L3MBTL4: variants seen among roughly 807,000 people sequenced by gnomAD.
The protein encoded by L3MBTL4 is L3MBTL histone methyl-lysine binding protein 4.
In L3MBTL4, 70 loss-of-function variants were observed where a neutral mutation model predicts 84.5. The observed-to-expected ratio is 0.83, with a 90% CI of 0.68 to 1.01. The LOEUF is 1.01. Ranked by LOEUF, L3MBTL4 falls within the 50% of genes least tolerant of loss-of-function variation. The pLI is 0.00. For synonymous variants in L3MBTL4, 274 were observed against 259.8 expected, an observed-to-expected ratio of 1.05 and a Z score of -0.52; for missense variants, 715 against 754.8, an observed-to-expected ratio of 0.95 and a Z score of 0.62.
chr18:6,314,070 ATAGATAG>A, intron 1 of L3MBTL4, among the ~76,000 whole-genome samples: 1 of 148,730 alleles, frequency 6.7e-6, no homozygotes, highest in African/African-American at 2.5e-5. Context: ...AGATAGATAG[ATAGATAG>A]ATAGATAGTC....
chr18:6,040,827 T>A (rs1224884140), intron 16 of L3MBTL4, among the ~76,000 whole-genome samples: 1 of 152,220 alleles, frequency 6.6e-6, no homozygotes, highest in East Asian at 1.9e-4. Context: ...TTCCCATGGC[T>A]GGCCTTCTGC....
At chr18:6,260,941 G>A (rs1410611102) in intron 5 of L3MBTL4, 1 of 152,154 alleles carries the variant, frequency 6.6e-6, no homozygotes, top group African/African-American at 2.4e-5. Flanking sequence ...TATAGACAAT[G>A]CTTATTTCAT....
chr18:6,042,037 G>A (rs941444151), intron 16 of L3MBTL4, among the ~76,000 whole-genome samples: 2 of 151,974 alleles, frequency 1.3e-5, no homozygotes, highest in South Asian at 2.1e-4. Flanking sequence ...GAACCATTTC[G>A]AACTTCCGCT....
At chr18:5,996,376 C>G (rs2053965282) in intron 16 of L3MBTL4, among the ~76,000 whole-genome samples, 1 of 152,198 alleles carries the variant, frequency 6.6e-6, no homozygotes, top group Admixed American at 6.5e-5. Flanking sequence ...TTGCTTCAGC[C>G]TCAAAGAGCA....
intron 16 of L3MBTL4, among the ~76,000 whole-genome samples, chr18:5,978,417 CATTA>C (rs1280307463): frequency 6.6e-6 from 1 of 152,146 alleles, no homozygotes; most frequent in Non-Finnish European, 1.5e-5. Context: ...CTTGAGACAT[CATTA>C]ATTAACTTAT....
intron 1 of L3MBTL4, among the ~76,000 whole-genome samples, chr18:6,398,516 T>C (rs746442125): frequency 2.6e-5 from 4 of 152,186 alleles, no homozygotes; most frequent in Admixed American, 1.3e-4. Context: ...GAGCTCATAA[T>C]CTGTTCTTTG....
intron 1 of L3MBTL4, among the ~76,000 whole-genome samples, chr18:6,333,625 G>A (rs528387330): frequency 2.0e-5 from 3 of 151,528 alleles, no homozygotes; most frequent in Non-Finnish European, 4.4e-5. Flanking sequence ...GCATGGAGAA[G>A]CAGGATGCAG....
At chr18:6,122,522 C>G (rs888140341) in intron 14 of L3MBTL4, among the ~76,000 whole-genome samples, 1 of 152,244 alleles carries the variant, frequency 6.6e-6, no homozygotes, top group Non-Finnish European at 1.5e-5. Context: ...TGCACAAGCT[C>G]TCTTTTTGCC....
At chr18:6,235,386 A>G (rs2047176488) in intron 10 of L3MBTL4, among the ~76,000 whole-genome samples, 1 of 152,220 alleles carries the variant, frequency 6.6e-6, no homozygotes, top group Admixed American at 6.5e-5. Context: ...ATGAATGCTT[A>G]CAGTGGCATT....
chr18:6,134,081 C>A (rs993952799), intron 14 of L3MBTL4, among the ~76,000 whole-genome samples: 4 of 152,074 alleles, frequency 2.6e-5, no homozygotes, highest in African/African-American at 9.7e-5. Context: ...GCCTCATATT[C>A]ATGGCAGAGG....
chr18:6,142,550 C>T (rs1376248742), intron 13 of L3MBTL4, among the ~76,000 whole-genome samples: 3 of 151,998 alleles, frequency 2.0e-5, no homozygotes, highest in Non-Finnish European at 4.4e-5. Context: ...ATAGAGCTAC[C>T]CTATTCAAAG....
At chr18:6,000,564 A>C (rs1366181322) in intron 16 of L3MBTL4, among the ~76,000 whole-genome samples, 1 of 152,228 alleles carries the variant, frequency 6.6e-6, no homozygotes, top group Non-Finnish European at 1.5e-5. Flanking sequence ...AAGGTGATTC[A>C]ACACATACAT....
chr18:6,215,934 G>A (rs1295496137), intron 10 of L3MBTL4, 99 bp from the exon 11 acceptor site: 3 of 617,764 alleles, frequency 4.9e-6, no homozygotes, highest in East Asian at 2.8e-5. Flanking sequence ...AATGTTAATT[G>A]AATGCTCACC....
chr18:6,295,661 C>T (rs1438104865), intron 4 of L3MBTL4, among the ~76,000 whole-genome samples: 3 of 151,998 alleles, frequency 2.0e-5, no homozygotes, highest in Admixed American at 6.6e-5. Context: ...TTAAAATGCA[C>T]GTGGAGGCTT....
At chr18:6,264,746 T>C (rs1332247041) in intron 4 of L3MBTL4, among the ~76,000 whole-genome samples, 3 of 152,166 alleles carry the variant, frequency 2.0e-5, no homozygotes, top group South Asian at 2.1e-4. Flanking sequence ...ATCGCACTAC[T>C]GCACTCCAGC....
chr18:6,124,954 A>C (rs1420666338), intron 14 of L3MBTL4, among the ~76,000 whole-genome samples: 1 of 151,140 alleles, frequency 6.6e-6, no homozygotes, highest in Admixed American at 6.6e-5. Context: ...AGATATACTG[A>C]ATTAGGAAAA....
At chr18:5,993,966 G>C (rs2053823879) in intron 16 of L3MBTL4, among the ~76,000 whole-genome samples, 1 of 152,204 alleles carries the variant, frequency 6.6e-6, no homozygotes, top group Admixed American at 6.5e-5. Context: ...TAAGCCAGGG[G>C]TTCAAAGGAA....
At chr18:6,306,396 CA>C (rs1568465773) in intron 3 of L3MBTL4, among the ~76,000 whole-genome samples, 1 of 151,946 alleles carries the variant, frequency 6.6e-6, no homozygotes, top group Admixed American at 6.6e-5. Context: ...AAGACACATA[CA>C]AAAAACAAAA....
At chr18:6,107,331 A>T (rs150796184) in intron 14 of L3MBTL4, among the ~76,000 whole-genome samples, 152 of 152,232 alleles carry the variant, frequency 1.0e-3, no homozygotes, top group Non-Finnish European at 2.0e-3. Context: ...GGACCAGAGG[A>T]CAATGTCTGG....
Sources: allele counts gnomAD v4.1 joint callset (sites outside exome capture counted in the v4.1 genomes callset), GRCh38; gene constraint gnomAD v4.1.1; transcripts MANE v1.5; gene names NCBI Gene and HGNC (gene_info 2026-07-23, HGNC 2026-07-21).